The following BCL2L12 variants were observed in gnomAD, a reference collection of about 807,000 sequenced individuals.
BCL2L12 encodes the protein bcl-2-like protein 12.
In BCL2L12, 27 loss-of-function variants were observed where a neutral mutation model predicts 25.7. The observed-to-expected ratio is 1.05, with a 90% CI of 0.78 to 1.45. The LOEUF is 1.45. Among genes scored for constraint, BCL2L12 ranks in the 40% most tolerant of loss-of-function variants. The probability of loss-of-function intolerance (pLI) is 0.00; values close to 1 mark genes in which losing one functional copy is unlikely to be tolerated. For missense variants in BCL2L12, 302 were observed against 329.8 expected (o/e 0.92, Z 0.65); for synonymous variants, 132 against 145.6 (o/e 0.91, Z 0.67).
Position 49,670,315 on chromosome 19 carries a change from C to T in BCL2L12, c.529C>T (p.Arg177Cys). 21 of 1,607,320 alleles carry T rather than the reference C, an allele frequency of 1.3e-5. No individual in the cohort carries two copies. Among genetic ancestry groups the T allele is most frequent in the Non-Finnish European group, 1.8e-5 (21 of 1,177,988 alleles). ...ELFCSRDDSS[R>C]PSRACPGPPP... ...GTTCTGTAGCCGGGATGACAGCTCT[C>T]GCCCAAGCCGAGCATGCCCCGGGCC... Residue 177 changes from arginine (R) to cysteine (C), a missense_variant, in exon 6 of 7, where the codon CGC becomes TGC. Coordinates refer to ENST00000246784, the MANE Select transcript of BCL2L12 (RefSeq NM_138639.2).
upstream of BCL2L12, chr19:49,665,566 C>G (rs1275030746): frequency 2.0e-6 from 1 of 498,964 alleles, no homozygotes; most frequent in Non-Finnish European, 3.6e-6. Context: ...CCGTGCAGAC[C>G]CATCCTCTTT....
chr19:49,667,013 C>T lies in BCL2L12; in HGVS notation c.108-6C>T. ...TGGGGTCAGTCTCTGAAGTCCTCCT[C>T]TCCAGAAGCCCTGCCCAAGAAGAGC... On this transcript the variant is annotated splice_region_variant and splice_polypyrimidine_tract_variant and intron_variant, in intron 2 of 6. Transcript: ENST00000246784. 1 of 1,613,236 alleles carries T rather than the reference C, an allele frequency of 6.2e-7. No homozygotes were observed. Among genetic ancestry groups the T allele is most frequent in the Non-Finnish European group, 8.5e-7 (1 of 1,179,658 alleles).
chr19:49,665,654 C>T (rs569536180), upstream of BCL2L12: 46 of 830,212 alleles, frequency 5.5e-5, no homozygotes, highest in East Asian at 1.0e-3. Context: ...TCGGGGCGTG[C>T]GGGCAGCTGG....
Position 49,666,690 on chromosome 19 carries a change from T to A in BCL2L12, c.-3T>A. 6.4e-7 allele frequency: 1 copy of A among 1,551,720 alleles called. No homozygotes were observed. Among genetic ancestry groups the A allele is most frequent in the Non-Finnish European group, 8.7e-7 (1 of 1,146,930 alleles). On this transcript the variant is annotated 5_prime_UTR_variant, in exon 2 of 7. Transcript: ENST00000246784. ...CCTAACCCTCTCTCTCACAGGTGCC[T>A]CCATGGCAGGCTCTGAAGAGCTGGG...
chr19:49,673,391 TC>T, intron 6 of BCL2L12, among the ~76,000 whole-genome samples: 1 of 151,882 alleles, frequency 6.6e-6, no homozygotes, highest in East Asian at 1.9e-4. Context: ...ATTGTTCAAA[TC>T]CCAAGACTCT....
intron 6 of BCL2L12, among the ~76,000 whole-genome samples, chr19:49,671,781 C>A (rs1733840293): frequency 6.6e-6 from 1 of 152,172 alleles, no homozygotes; most frequent in Non-Finnish European, 1.5e-5. Flanking sequence ...TGCTGCCTTT[C>A]CAACAGTGCC....
intron 6 of BCL2L12, among the ~76,000 whole-genome samples, chr19:49,671,315 C>T (rs2081957511): frequency 6.7e-6 from 1 of 149,328 alleles, no homozygotes; most frequent in Non-Finnish European, 1.5e-5. Flanking sequence ...CAAAATTAGC[C>T]CGGCATGCCT....
At chr19:49,667,649 AG>A (rs1317243421) in intron 3 of BCL2L12, among the ~76,000 whole-genome samples, 1 of 152,168 alleles carries the variant, frequency 6.6e-6, no homozygotes, top group African/African-American at 2.4e-5. Flanking sequence ...TAGCTTGAAA[AG>A]GGGTTCACAG....
At chr19:49,673,581 C>A in intron 6 of BCL2L12, 117 bp from the exon 7 acceptor site, 1 of 852,278 alleles carries the variant, frequency 1.2e-6, no homozygotes, top group South Asian at 1.4e-5. Context: ...TGTCTGTCAC[C>A]CTCCGCTCTC....
intron 2 of BCL2L12, 109 bp from the exon 3 acceptor site, chr19:49,666,910 C>A (rs894510676): frequency 5.7e-5 from 87 of 1,527,124 alleles, no homozygotes; most frequent in Non-Finnish European, 7.0e-5. Context: ...TATTCTCTGT[C>A]TTTGGGGTTT....
At position 49,673,766 on chromosome 19, in the gene BCL2L12, G is replaced by C; in HGVS notation, c.*18G>C. The C allele has an allele frequency of 3.7e-6, 6 of 1,613,980 alleles. No individual in the cohort carries two copies. The African/African-American group carries it at 8.0e-5, about 22-fold the overall frequency. Reference sequence around the variant, plus strand: ...TGGACTGAGCTCTTTCTCAGAAGCTGCTACAAGATGACACCTCATGTCCCT... The same window carrying C: ...TGGACTGAGCTCTTTCTCAGAAGCTCCTACAAGATGACACCTCATGTCCCT... On this transcript the variant is annotated 3_prime_UTR_variant, in exon 7 of 7. Coordinates refer to ENST00000246784, the MANE Select transcript of BCL2L12 (RefSeq NM_138639.2).
At chr19:49,665,804 G>T, upstream of BCL2L12, 2 of 1,577,828 alleles carry the variant, frequency 1.3e-6, no homozygotes, top group South Asian at 2.2e-5. Flanking sequence ...TCATTCTTTG[G>T]GTAACAGACC....
At chr19:49,666,873 T>G in intron 2 of BCL2L12, 74 bp downstream of exon 2, 2 of 1,516,572 alleles carry the variant, frequency 1.3e-6, no homozygotes, top group Non-Finnish European at 1.8e-6. Context: ...CTGGTCTCAG[T>G]CTGTCTCCTC....
At chr19:49,668,073 C>T (rs796979086) in intron 3 of BCL2L12, among the ~76,000 whole-genome samples, 53 of 151,946 alleles carry the variant, frequency 3.5e-4, no homozygotes, top group African/African-American at 1.2e-3. Flanking sequence ...AGCCACCGCA[C>T]CCTGTCAGCT....
At chr19:49,669,166 T>TGG in intron 5 of BCL2L12, 51 bp downstream of exon 5, 1 of 1,598,842 alleles carries the variant, frequency 6.3e-7, no homozygotes, top group Non-Finnish European at 8.5e-7. Context: ...TGCGGAATGG[T>TGG]GGGGCACTGG....
chr19:49,670,570 T>C, intron 6 of BCL2L12, 82 bp downstream of exon 6: 2 of 1,486,458 alleles, frequency 1.3e-6, no homozygotes, highest in South Asian at 2.6e-5. Context: ...CTTCTTAGGT[T>C]CCTCTCAGAC....
chr19:49,666,806 G>A lies in BCL2L12; in HGVS notation c.107+7G>A, dbSNP rs745778700. ...CTGTTCCAACTCCACCTAGGTAAGA[G>A]GAGTGGCCCTTCTCCCCCAGGGGCC... On this transcript the variant is annotated splice_region_variant and intron_variant, in intron 2 of 6. Coordinates refer to ENST00000246784, the MANE Select transcript of BCL2L12 (RefSeq NM_138639.2). 3.2e-6 allele frequency: 5 copies of A among 1,553,950 alleles called. No homozygotes were observed. In the South Asian group the frequency reaches 5.9e-5, roughly 18 times the overall value.
chr19:49,666,938 C>T (rs374253313), intron 2 of BCL2L12, 81 bp from the exon 3 acceptor site: 8 of 1,554,342 alleles, frequency 5.1e-6, no homozygotes, highest in Admixed American at 1.9e-5. Flanking sequence ...AGGTCCTCAG[C>T]GGGGGAGGGA....
At chr19:49,669,388 C>T (rs559943375) in intron 5 of BCL2L12, among the ~76,000 whole-genome samples, 3 of 151,842 alleles carry the variant, frequency 2.0e-5, no homozygotes, top group East Asian at 1.9e-4. Context: ...ATACAAAAAT[C>T]GGACAGGTGT....
Sources: gnomAD v4.1 joint callset for allele counts (sites outside exome capture counted in the v4.1 genomes callset) on GRCh38, gnomAD v4.1.1 for gene constraint, MANE v1.5 for transcripts, NCBI Gene and HGNC (gene_info 2026-07-23, HGNC 2026-07-21) for gene names.